The following CCKAR variants were observed in gnomAD, a reference collection of about 807,000 sequenced individuals.
CCKAR encodes the protein cholecystokinin A receptor.
In CCKAR, 21 loss-of-function variants were observed where a neutral mutation model predicts 29.8. The observed-to-expected ratio is 0.70, with a 90% CI of 0.50 to 1.01. The LOEUF (loss-of-function observed/expected upper bound fraction) is 1.01, where lower values mean the gene tolerates loss of function less well. CCKAR is among the 50% of genes least tolerant of loss of function. The probability of loss-of-function intolerance (pLI) is 0.00; values close to 1 mark genes in which losing one functional copy is unlikely to be tolerated. For synonymous variants in CCKAR, 238 were observed against 221.3 expected (o/e 1.08, Z -0.67); for missense variants, 570 against 560.6 (o/e 1.02, Z -0.17).
Position 26,490,236 on chromosome 4 carries a change from C to G in CCKAR, c.32G>C (p.Gly11Ala), listed in dbSNP as rs1297788007. The change falls in exon 1 of 5, where the codon GGA becomes GCA. Residue 11 changes from glycine (G) to alanine (A), a missense_variant. Coordinates refer to ENST00000295589, the MANE Select transcript of CCKAR (RefSeq NM_000730.3). MDVVDSLLVN[G>A]SNITPPCELG... Reference sequence around the variant, plus strand: ...TTCACAGGGAGGAGTGATGTTGCTTCCATTCACAAGAAGGCTGTCAACCAC... The same window carrying G: ...TTCACAGGGAGGAGTGATGTTGCTTGCATTCACAAGAAGGCTGTCAACCAC... 2 of 1,613,520 alleles carry G rather than the reference C, an allele frequency of 1.2e-6. No individual in the cohort carries two copies. Among genetic ancestry groups the G allele is most frequent in the South Asian group, 1.1e-5 (1 of 91,056 alleles).
In CCKAR at chr4:26,485,842, C is replaced by G. The variant is rs201739265; in HGVS notation, c.421G>C (p.Gly141Arg). 1 of 1,613,910 alleles carries G rather than the reference C, an allele frequency of 6.2e-7. No individual in the cohort carries two copies. Among genetic ancestry groups the G allele is most frequent in the Non-Finnish European group, 8.5e-7 (1 of 1,179,926 alleles). ...GACTGTAAGGGTTTGCAAATCGCACCATATCTCTCTAGAGATATGGCTACC... is the reference window on the plus strand; with the variant it reads ...GACTGTAAGGGTTTGCAAATCGCACGATATCTCTCTAGAGATATGGCTACC... ...NLVAISLERY[G>R]AICKPLQSRV... Residue 141 changes from glycine to arginine, a missense_variant, in exon 3 of 5, where the codon GGT becomes CGT. Transcript: ENST00000295589.
At position 26,482,002 on chromosome 4, in the gene CCKAR, T is replaced by C. The variant is rs1337445894; in HGVS notation, c.923A>G (p.Lys308Arg). The change falls in exon 5 of 5, where the codon AAG becomes AGG. Residue 308 changes from lysine (K) to arginine (R), a missense_variant. Physicochemically the swap from Lys to Arg is conservative, Grantham distance 26. Transcript: ENST00000295589. ...SNSSAANLMAKKRVIRMLIVI... is the reference protein window; with the variant it reads ...SNSSAANLMARKRVIRMLIVI... Reference sequence around the variant, plus strand: ...GATGAGCATGCGGATCACCCTTTTCTTGGCCATCAGGTTGGCTGCGGAGCT... The same window carrying C: ...GATGAGCATGCGGATCACCCTTTTCCTGGCCATCAGGTTGGCTGCGGAGCT... 1.9e-6 allele frequency: 3 copies of C among 1,614,132 alleles called. No homozygotes were observed. The highest frequency in any genetic ancestry group is 2.5e-6 in the Non-Finnish European group (3 of 1,180,040).
Position 26,481,658 on chromosome 4 carries a change from C to T in CCKAR, c.1267G>A (p.Ala423Thr). ...ACATCTCACTGGGGTGGCACCGAGG[C>T]ACTCATATGGCTGTACGAGAACCTG... ...LSRFSYSHMS[A>T]SVPPQ The change falls in exon 5 of 5, where the codon GCC becomes ACC. Residue 423 changes from alanine (A) to threonine (T), a missense_variant. Coordinates refer to ENST00000295589, the MANE Select transcript of CCKAR (RefSeq NM_000730.3). The T allele has an allele frequency of 6.2e-7, 1 of 1,614,220 alleles. No individual in the cohort carries two copies. The highest frequency in any genetic ancestry group is 8.5e-7 in the Non-Finnish European group (1 of 1,180,044).
In CCKAR at chr4:26,481,473, T is replaced by C; in HGVS notation, c.*165A>G. On this transcript the variant is annotated 3_prime_UTR_variant, in exon 5 of 5. Coordinates refer to ENST00000295589, the MANE Select transcript of CCKAR (RefSeq NM_000730.3). ...TCATGGCCCCACTGGAGCAGTGCTCTGGAATCCAGATGAAGGATGAAAAGC... is the reference window on the plus strand; with the variant it reads ...TCATGGCCCCACTGGAGCAGTGCTCCGGAATCCAGATGAAGGATGAAAAGC... The C allele has an allele frequency of 2.7e-6, 2 of 746,380 alleles. No individual in the cohort carries two copies. The highest frequency in any genetic ancestry group is 2.2e-6 in the Non-Finnish European group (1 of 453,124). The allele number at this position is 746,380 out of a possible 1,614,324, so 46.2% of individuals were successfully genotyped here.
chr4:26,484,470 A>G (rs893464013), intron 3 of CCKAR, among the ~76,000 whole-genome samples: 1 of 152,142 alleles, frequency 6.6e-6, no homozygotes, highest in African/African-American at 2.4e-5. Context: ...TTATAATGAC[A>G]TTTTTATGAA....
Position 26,489,432 on chromosome 4 carries a change from G to A in CCKAR, c.165C>T (p.Ser55=), listed in dbSNP as rs143718810. 1.2e-6 allele frequency: 2 copies of A among 1,613,982 alleles called. No homozygotes were observed. Among genetic ancestry groups the A allele is most frequent in the African/African-American group, 2.7e-5 (2 of 74,906 alleles). Residue 55 remains serine (S), a synonymous_variant, in exon 2 of 5, where the codon AGC becomes AGT. Coordinates refer to ENST00000295589, the MANE Select transcript of CCKAR (RefSeq NM_000730.3). ...TGATGACCAGCGTGTTTCCCAGCACGCTGAGCAGGAATATCAAGGAGTACA... is the reference window on the plus strand; with the variant it reads ...TGATGACCAGCGTGTTTCCCAGCACACTGAGCAGGAATATCAAGGAGTACA... ...ILLYSLIFLL[S]VLGNTLVITV...
rs768244667 is a variant in CCKAR at position 26,482,163 on chromosome 4, T to G, written c.762A>C (p.Lys254Asn). ...ASQKKSAKER[K>N]PSTTSSGKYE... ...ATTTGCCGCTGCTGGTGGTGCTAGG[T>G]TTCCTTTCTGGGTGGGCAAGAGACA... is the stretch of plus-strand genomic sequence containing the variant. The change falls in exon 5 of 5, where the codon AAA becomes AAC. Residue 254 changes from lysine (K) to asparagine (N), a missense_variant. By Grantham distance (94) the Lys-to-Asn change is moderately conservative. Coordinates refer to ENST00000295589, the MANE Select transcript of CCKAR (RefSeq NM_000730.3). 6.2e-7 allele frequency: 1 copy of G among 1,608,054 alleles called. No homozygotes were observed. Among genetic ancestry groups the G allele is most frequent in the Admixed American group, 1.7e-5 (1 of 59,730 alleles).
rs201179899 is a variant in CCKAR at position 26,490,301 on chromosome 4, G to C, written c.-34C>G. On this transcript the variant is annotated 5_prime_UTR_variant, in exon 1 of 5. Transcript: ENST00000295589. ...GCTGCTTTCCACCAAGTGCTGGAGA[G>C]CTGGTGAATTGCTCACTCCCGGCTC... 2.9e-5 allele frequency: 41 copies of C among 1,399,972 alleles called. No individual in the cohort carries two copies. The East Asian group carries it at 8.4e-4, about 29-fold the overall frequency. 86.7% of individuals were successfully genotyped at this position (1,399,972 alleles called of 1,614,324 possible).
chr4:26,483,075 A>C, intron 4 of CCKAR, 81 bp downstream of exon 4: 1 of 1,409,216 alleles, frequency 7.1e-7, no homozygotes, highest in Non-Finnish European at 9.6e-7. Context: ...CTTTACGTAC[A>C]CTCTGGGTAT....
intron 2 of CCKAR, among the ~76,000 whole-genome samples, chr4:26,489,000 C>T (rs1737499588): frequency 1.3e-5 from 2 of 152,278 alleles, no homozygotes; most frequent in South Asian, 2.1e-4. Context: ...CAATTTATTT[C>T]ACTCTTAGAA....
chr4:26,482,967 T>C (rs1326517685), intron 4 of CCKAR, among the ~76,000 whole-genome samples, 189 bp downstream of exon 4: 1 of 152,216 alleles, frequency 6.6e-6, no homozygotes, highest in Non-Finnish European at 1.5e-5. Context: ...AAAGGAATGA[T>C]TTCCCCATTT....
rs1737348965 is a variant in CCKAR at position 26,481,733 on chromosome 4, C to T, written c.1192G>A (p.Gly398Arg). The change falls in exon 5 of 5, where the codon GGA (glycine) becomes AGA (arginine). Residue 398 changes from glycine (G) to arginine (R), a missense_variant. Transcript: ENST00000295589. ...CPNPGPPGAR[G>R]EVGEEEEGGT... ...CCTTCCTCCTCCTCCCCCACCTCTC[C>T]CCTCGCCCCTGGGGGACCAGGATTG... 4 of 1,614,194 alleles carry T rather than the reference C, an allele frequency of 2.5e-6. No homozygotes were observed. The highest frequency in any genetic ancestry group is 1.1e-5 in the South Asian group (1 of 91,082).
At position 26,485,652 on chromosome 4, in the gene CCKAR, ACAT is replaced by A; in HGVS notation, c.608_610del (p.Asp203del). ...GCAACCTTACCAGGACTGCTGCATA[ACAT>A]CATTTGGCAGTAGAAAGCGGCACAT... On this transcript the variant is annotated inframe_deletion, in exon 3 of 5. Transcript: ENST00000295589. 6.2e-7 allele frequency: 1 copy of A among 1,614,212 alleles called. No homozygotes were observed. Among genetic ancestry groups the A allele is most frequent in the Non-Finnish European group, 8.5e-7 (1 of 1,180,040 alleles).
rs200965247 is a variant in CCKAR, at chr4:26,489,402, C to T, written c.195G>A (p.Val65=). ...TCCGCATCCGCTTGTTCCGAATCAG[C>T]ACGGTGATGACCAGCGTGTTTCCCA... is the stretch of plus-strand genomic sequence containing the variant. ...SVLGNTLVIT[V]LIRNKRMRTV... The change falls in exon 2 of 5, where the codon GTG becomes GTA. Residue 65 remains valine, a synonymous_variant. Transcript: ENST00000295589. 8.1e-6 allele frequency: 13 copies of T among 1,614,036 alleles called. No individual in the cohort carries two copies. Among genetic ancestry groups the T allele is most frequent in the Non-Finnish European group, 1.0e-5 (12 of 1,180,044 alleles).
intron 2 of CCKAR, 35 bp downstream of exon 2, chr4:26,489,198 G>A (rs200290624): frequency 6.2e-7 from 1 of 1,612,354 alleles, no homozygotes; most frequent in Admixed American, 1.7e-5. Flanking sequence ...GGGGTCTGGG[G>A]CAAGCTCCAG....
rs150564514 is a variant in CCKAR, at chr4:26,485,379, C to T, written c.626+258G>A. ...AGTCTCAGTTTCCTCAACAGCAAAACGGACACAATAATAATAATACCTATC... is the reference window on the plus strand; with the variant it reads ...AGTCTCAGTTTCCTCAACAGCAAAATGGACACAATAATAATAATACCTATC... On this transcript the variant is annotated intron_variant, in intron 3 of 4. Transcript: ENST00000295589. 1.3e-3 allele frequency among the ~76,000 whole-genome samples: 202 copies of T among 152,066 alleles called. 1 individual carries two copies. The highest frequency in any genetic ancestry group is 1.8e-3 in the Non-Finnish European group (120 of 67,992).
At chr4:26,483,111 C>T (rs1459764768) in intron 4 of CCKAR, 45 bp downstream of exon 4, 1 of 1,594,186 alleles carries the variant, frequency 6.3e-7, no homozygotes. Context: ...AGAAAACAAG[C>T]TTTTGTGCTC....
chr4:26,488,132 A>G (rs1247247750), intron 2 of CCKAR, among the ~76,000 whole-genome samples: 2 of 152,204 alleles, frequency 1.3e-5, no homozygotes, highest in Non-Finnish European at 2.9e-5. Flanking sequence ...AGAACAAAAA[A>G]TAACTCCCTT....
chr4:26,489,323 G>C lies in CCKAR; in HGVS notation c.274C>G (p.Leu92Val). 2 of 1,614,172 alleles carry C rather than the reference G, an allele frequency of 1.2e-6. No homozygotes were observed. Among genetic ancestry groups the C allele is most frequent in the East Asian group, 2.2e-5 (1 of 44,870 alleles). Residue 92 changes from leucine to valine, a missense_variant, in exon 2 of 5, where the codon CTC (leucine) becomes GTC (valine). By Grantham distance (32) the Leu-to-Val change is conservative (BLOSUM62 1). Transcript: ENST00000295589. Reference sequence around the variant, plus strand: ...ATGAGGTTGAACGGCATGCAGAAGAGACAGAGCATGAGGTCGCTGACAGCC... The same window carrying C: ...ATGAGGTTGAACGGCATGCAGAAGACACAGAGCATGAGGTCGCTGACAGCC... ...SLAVSDLMLC[L>V]FCMPFNLIPN... is the part of the protein sequence containing the mutation.
Sources: allele counts gnomAD v4.1 joint callset (sites outside exome capture counted in the v4.1 genomes callset), GRCh38; gene constraint gnomAD v4.1.1; transcripts MANE v1.5; gene names NCBI Gene and HGNC (gene_info 2026-07-23, HGNC 2026-07-21).